Variants in GLCCI1 observed in about 807,000 individuals in gnomAD.
GLCCI1 encodes glucocorticoid induced 1.
A neutral mutation model predicts 52.2 loss-of-function variants in GLCCI1; 24 were observed. The ratio of observed to expected loss-of-function variants is 0.46; its 90% CI spans 0.33 to 0.65. The LOEUF is 0.65. Among genes scored for constraint, GLCCI1 ranks in the 30% least tolerant of loss-of-function variants. GLCCI1 has a pLI of 0.02. For synonymous variants in GLCCI1, 310 were observed against 276.5 expected (o/e 1.12, Z -1.20); for missense variants, 704 against 701.5 (o/e 1.00, Z -0.04).
intron 1 of GLCCI1, among the ~76,000 whole-genome samples, chr7:7,970,286 A>G (rs576641855): frequency 1.1e-3 from 169 of 152,276 alleles, no homozygotes; most frequent in African/African-American, 3.9e-3. Context: ...ATGTAAGGAT[A>G]TCGGCTGGAT....
chr7:8,049,902 A>C (rs187961123), intron 3 of GLCCI1, among the ~76,000 whole-genome samples: 1 of 152,216 alleles, frequency 6.6e-6, no homozygotes, highest in African/African-American at 2.4e-5. Context: ...CTGCAGTATA[A>C]ATTTGAGGCA....
Position 8,003,981 on chromosome 7 carries a change from A to G in GLCCI1, c.531A>G (p.Thr177=), listed in dbSNP as rs1781097920. ...GAACCTCCTCTTTGGATACAATAAC[A>G]GGACCTTACCTCACAGGACAGTGGC... ...IRRTSSLDTI[T]GPYLTGQWPR... The change falls in exon 2 of 8, where the codon ACA becomes ACG. Residue 177 remains threonine (T), a synonymous_variant. Coordinates refer to ENST00000223145, the MANE Select transcript of GLCCI1 (RefSeq NM_138426.4). The G allele has an allele frequency of 3.1e-6, 5 of 1,613,872 alleles. No individual in the cohort carries two copies. The highest frequency in any genetic ancestry group is 4.2e-6 in the Non-Finnish European group (5 of 1,179,802).
intron 1 of GLCCI1, among the ~76,000 whole-genome samples, chr7:7,989,123 A>G (rs37994): frequency 0.49 from 73,728 of 151,838 alleles, 18,359 homozygotes; most frequent in African/African-American, 0.59. Flanking sequence ...GAAAATACAT[A>G]TTGGGCTTTT....
chr7:8,062,738 G>T (rs1164145432), intron 5 of GLCCI1, among the ~76,000 whole-genome samples: 1 of 152,120 alleles, frequency 6.6e-6, no homozygotes, highest in Non-Finnish European at 1.5e-5. Flanking sequence ...TTCTGTTCCT[G>T]TGTTAGTTTA....
chr7:8,016,949 G>A (rs1281595186), intron 2 of GLCCI1, among the ~76,000 whole-genome samples: 2 of 152,148 alleles, frequency 1.3e-5, no homozygotes, highest in African/African-American at 4.8e-5. Flanking sequence ...GTAGGAAATG[G>A]CATAGAAATG....
At chr7:8,013,290 T>G (rs1394301454) in intron 2 of GLCCI1, among the ~76,000 whole-genome samples, 1 of 152,214 alleles carries the variant, frequency 6.6e-6, no homozygotes, top group African/African-American at 2.4e-5. Context: ...AGGCATGAGG[T>G]GATATCCAGC....
intron 6 of GLCCI1, chr7:8,078,462 AC>A (rs1446608367): frequency 2.6e-5 from 4 of 152,132 alleles, no homozygotes; most frequent in African/African-American, 2.4e-5. Flanking sequence ...TTGAATCTGT[AC>A]CCCTAATAAA....
intron 6 of GLCCI1, among the ~76,000 whole-genome samples, chr7:8,083,968 C>A (rs10952085): frequency 0.31 from 47,379 of 152,024 alleles, 7,703 homozygotes; most frequent in East Asian, 0.42. Context: ...GCTATCTTCC[C>A]AATAGATGAA....
chr7:7,990,471 T>C (rs183597261), intron 1 of GLCCI1, among the ~76,000 whole-genome samples: 2 of 152,128 alleles, frequency 1.3e-5, no homozygotes, highest in Admixed American at 6.5e-5. Flanking sequence ...TATGACACTT[T>C]GCCCTACACT....
chr7:7,995,190 A>G (rs1451526082), intron 1 of GLCCI1, among the ~76,000 whole-genome samples: 3 of 152,158 alleles, frequency 2.0e-5, no homozygotes, highest in African/African-American at 7.2e-5. Context: ...GCTTTTTCCT[A>G]TGTGTCATTA....
At chr7:7,987,097 A>G (rs1209122983) in intron 1 of GLCCI1, among the ~76,000 whole-genome samples, 1 of 152,212 alleles carries the variant, frequency 6.6e-6, no homozygotes, top group Admixed American at 6.5e-5. Flanking sequence ...AAAAAACCCC[A>G]CAAAAACTGA....
intron 5 of GLCCI1, among the ~76,000 whole-genome samples, chr7:8,068,214 G>A (rs1426385051): frequency 2.0e-5 from 3 of 152,168 alleles, no homozygotes; most frequent in Admixed American, 6.5e-5. Flanking sequence ...GCCGGTCATC[G>A]TGGTGGGCAC....
At chr7:8,003,623 TC>T (rs1219093710) in intron 1 of GLCCI1, among the ~76,000 whole-genome samples, 1 of 151,930 alleles carries the variant, frequency 6.6e-6, no homozygotes, top group Non-Finnish European at 1.5e-5. Flanking sequence ...TGAATGGGAG[TC>T]TTAATTAAAA....
chr7:8,073,004 G>T (rs1782796840), intron 6 of GLCCI1, among the ~76,000 whole-genome samples: 1 of 152,084 alleles, frequency 6.6e-6, no homozygotes, highest in South Asian at 2.1e-4. Flanking sequence ...TTCAAACAGT[G>T]CATGTTCTTT....
At chr7:8,047,922 T>G (rs557123238) in intron 3 of GLCCI1, among the ~76,000 whole-genome samples, 6 of 152,314 alleles carry the variant, frequency 3.9e-5, no homozygotes, top group Non-Finnish European at 7.3e-5. Flanking sequence ...TTACAGCTAC[T>G]TCCCTTCTCC....
chr7:8,076,684 A>T (rs1047115781), intron 6 of GLCCI1, among the ~76,000 whole-genome samples: 1 of 152,192 alleles, frequency 6.6e-6, no homozygotes, highest in African/African-American at 2.4e-5. Flanking sequence ...CAAATCAAAA[A>T]TTTTTAACAT....
At chr7:7,987,197 C>G (rs537442421) in intron 1 of GLCCI1, among the ~76,000 whole-genome samples, 1 of 152,270 alleles carries the variant, frequency 6.6e-6, no homozygotes, top group African/African-American at 2.4e-5. Flanking sequence ...GTGTTCCTGC[C>G]AAACTGAACT....
In GLCCI1 at chr7:8,084,887, A is replaced by G; in HGVS notation, c.1178-10A>G. On this transcript the variant is annotated splice_polypyrimidine_tract_variant and intron_variant, in intron 6 of 7. Coordinates refer to ENST00000223145, the MANE Select transcript of GLCCI1 (RefSeq NM_138426.4). Reference sequence around the variant, plus strand: ...AATCACTAGTTAATATAACTGCTTTAAATTTACAGACAGTGGGAGTAGCTC... The same window carrying G: ...AATCACTAGTTAATATAACTGCTTTGAATTTACAGACAGTGGGAGTAGCTC... 1 of 1,610,806 alleles carries G rather than the reference A, an allele frequency of 6.2e-7. No individual in the cohort carries two copies. Among genetic ancestry groups the G allele is most frequent in the Non-Finnish European group, 8.5e-7 (1 of 1,179,186 alleles).
In GLCCI1 at chr7:8,055,554, G is replaced by C; in HGVS notation, c.813+5G>C. 1.3e-6 allele frequency: 2 copies of C among 1,501,056 alleles called. No individual in the cohort carries two copies. Among genetic ancestry groups the C allele is most frequent in the Non-Finnish European group, 9.3e-7 (1 of 1,077,654 alleles). The allele number at this position is 1,501,056 out of a possible 1,614,324, so 93.0% of individuals were successfully genotyped here. On this transcript the variant is annotated splice_donor_5th_base_variant and intron_variant, in intron 4 of 7. Coordinates refer to ENST00000223145, the MANE Select transcript of GLCCI1 (RefSeq NM_138426.4). ...ATAACAATCAGTCACACTCAGGTAG[G>C]CTAACTTCTTGTCCAGATTTGAATA...
Sources: gnomAD v4.1 joint callset for allele counts (sites outside exome capture counted in the v4.1 genomes callset) on GRCh38, gnomAD v4.1.1 for gene constraint, MANE v1.5 for transcripts, NCBI Gene and HGNC (gene_info 2026-07-23, HGNC 2026-07-21) for gene names.